The following SDK1 variants were observed in gnomAD, a reference collection of about 807,000 sequenced individuals.
SDK1 encodes protein sidekick-1.
SDK1 carries 157 observed loss-of-function variants against 245.5 expected under a neutral mutation model. That is an observed-to-expected ratio of 0.64 (90% CI 0.56 to 0.73). The LOEUF is 0.73. Ranked by LOEUF, SDK1 falls within the 30% of genes least tolerant of loss-of-function variation. The pLI is 0.00. For missense variants in SDK1, 3,583 were observed against 3,002.3 expected (o/e 1.19, Z -4.52); for synonymous variants, 1,647 against 1,278.5 (o/e 1.29, Z -6.15).
chr7:3,475,079 T>C (rs1168562344), intron 1 of SDK1, among the ~76,000 whole-genome samples: 2 of 152,222 alleles, frequency 1.3e-5, no homozygotes, highest in Non-Finnish European at 2.9e-5. Flanking sequence ...GATGATAATT[T>C]TAAAACACAT....
rs367967209 is a variant in SDK1 at position 3,962,635 on chromosome 7, A to C, written c.1235-22A>C. On this transcript the variant is annotated intron_variant, in intron 8 of 44. Coordinates refer to ENST00000404826, the MANE Select transcript of SDK1 (RefSeq NM_152744.4). The stretch of plus-strand genomic sequence containing the variant: ...CGTCAGGAATTATTTTTAAAATCCT[A>C]TTTATTCCCATTCCTACGCAGGGGT... 2.5e-6 allele frequency: 4 copies of C among 1,569,932 alleles called. No individual in the cohort carries two copies. In the East Asian group the frequency reaches 9.0e-5, roughly 35 times the overall value.
chr7:3,625,365 C>T (rs1324976365), intron 2 of SDK1, among the ~76,000 whole-genome samples: 1 of 152,116 alleles, frequency 6.6e-6, no homozygotes, highest in Admixed American at 6.5e-5. Flanking sequence ...AAAAGGTAAG[C>T]AACAAACTGG....
chr7:3,438,943 C>G (rs957351511), intron 1 of SDK1, among the ~76,000 whole-genome samples: 1 of 150,330 alleles, frequency 6.7e-6, no homozygotes, highest in Admixed American at 6.6e-5. Flanking sequence ...ACCTCTGCCT[C>G]CTGGGTTGAA....
chr7:4,112,006 G>C (rs970501038), intron 23 of SDK1, among the ~76,000 whole-genome samples: 2 of 152,120 alleles, frequency 1.3e-5, no homozygotes, highest in African/African-American at 4.8e-5. Context: ...TGGTGTGAGC[G>C]GATAGAGGCC....
intron 1 of SDK1, among the ~76,000 whole-genome samples, chr7:3,506,719 C>T (rs1475247022): frequency 1.3e-5 from 2 of 152,038 alleles, no homozygotes; most frequent in Non-Finnish European, 2.9e-5. Flanking sequence ...TTTTCTTCTC[C>T]TATATTTATA....
At chr7:3,541,318 C>T (rs1779047696) in intron 1 of SDK1, among the ~76,000 whole-genome samples, 1 of 152,210 alleles carries the variant, frequency 6.6e-6, no homozygotes, top group African/African-American at 2.4e-5. Flanking sequence ...CTCCTGTGTG[C>T]TTCCACTTGC....
chr7:4,206,443 G>A lies in SDK1; in HGVS notation c.5214+449G>A, dbSNP rs7788648. ...GGACACTGAGTGAGTCCCTTGATTC[G>A]GTCGGTCCAGGGTGGGGCCCGCCAG... On this transcript the variant is annotated intron_variant, in intron 36 of 44. Transcript: ENST00000404826. Among the ~76,000 whole-genome samples the A allele has an allele frequency of 9.9e-3, 1,513 of 152,242 alleles. 28 individuals carry two copies. The highest frequency in any genetic ancestry group is 0.035 in the African/African-American group (1,450 of 41,524).
At position 3,489,626 on chromosome 7, in the gene SDK1, T is replaced by C. The variant is rs903105151; in HGVS notation, c.299-129454T>C. ...AAGTGTAACTCAAGATGTGATTAGCTACCCAGTTTGTTTTTATTAAAATGT... is the reference window on the plus strand; with the variant it reads ...AAGTGTAACTCAAGATGTGATTAGCCACCCAGTTTGTTTTTATTAAAATGT... On this transcript the variant is annotated intron_variant, in intron 1 of 44. Coordinates refer to ENST00000404826, the MANE Select transcript of SDK1 (RefSeq NM_152744.4). Among the ~76,000 whole-genome samples the C allele has an allele frequency of 3.9e-5, 6 of 152,208 alleles. No individual in the cohort carries two copies. The East Asian group carries it at 1.2e-3, about 29-fold the overall frequency.
At chr7:3,383,505 TG>T (rs1469179373) in intron 1 of SDK1, among the ~76,000 whole-genome samples, 4 of 152,324 alleles carry the variant, frequency 2.6e-5, no homozygotes, top group Non-Finnish European at 5.9e-5. Context: ...CATCTCTTTT[TG>T]GCCTCCATGT....
chr7:4,114,009 C>T (rs1312118437), intron 24 of SDK1, 28 bp from the exon 25 acceptor site: 1 of 1,590,824 alleles, frequency 6.3e-7, no homozygotes, highest in Admixed American at 1.7e-5. Context: ...GAGATGTCAG[C>T]TCATCGCGAC....
intron 4 of SDK1, among the ~76,000 whole-genome samples, chr7:3,653,318 G>A (rs1045442961): frequency 5.9e-5 from 9 of 152,106 alleles, no homozygotes; most frequent in African/African-American, 1.4e-4. Context: ...TGTTGTAGGC[G>A]TTCTGTTTTC....
intron 1 of SDK1, among the ~76,000 whole-genome samples, chr7:3,494,396 T>A (rs576979881): frequency 6.6e-6 from 1 of 152,350 alleles, no homozygotes; most frequent in East Asian, 1.9e-4. Flanking sequence ...CAAATAACTC[T>A]GCAGTGTAAC....
In SDK1 at chr7:3,867,368, A is replaced by T. The variant is rs569419774; in HGVS notation, c.847+45785A>T. 2.0e-5 allele frequency among the ~76,000 whole-genome samples: 3 copies of T among 152,298 alleles called. No homozygotes were observed. In the East Asian group the frequency reaches 5.8e-4, roughly 29 times the overall value. On this transcript the variant is annotated intron_variant, in intron 5 of 44. Transcript: ENST00000404826. ...GGTATATAAAAATGCAGCCCTTTTG[A>T]TTAAGCCATTTTTAAAAACCTAATG...
chr7:3,876,847 C>G (rs1482490925), intron 5 of SDK1, among the ~76,000 whole-genome samples: 1 of 152,148 alleles, frequency 6.6e-6, no homozygotes, highest in Non-Finnish European at 1.5e-5. Context: ...TAACACAGCT[C>G]TATCAGACTT....
At chr7:3,356,406 T>G (rs565239549) in intron 1 of SDK1, among the ~76,000 whole-genome samples, 3 of 152,296 alleles carry the variant, frequency 2.0e-5, no homozygotes, top group Non-Finnish European at 1.5e-5. Flanking sequence ...TTACCGCTCT[T>G]TAAAGATTGA....
chr7:3,631,186 G>T (rs1376306075), intron 2 of SDK1, among the ~76,000 whole-genome samples: 4 of 152,040 alleles, frequency 2.6e-5, no homozygotes, highest in Non-Finnish European at 4.4e-5. Context: ...CACCCACCTT[G>T]GCCTCCCAAA....
chr7:3,500,592 T>G (rs1015737877), intron 1 of SDK1, among the ~76,000 whole-genome samples: 1 of 152,218 alleles, frequency 6.6e-6, no homozygotes, highest in African/African-American at 2.4e-5. Flanking sequence ...TTTTCTCCAG[T>G]GTTTTGAAAT....
chr7:3,357,555 C>T (rs952773807), intron 1 of SDK1, among the ~76,000 whole-genome samples: 8 of 151,342 alleles, frequency 5.3e-5, no homozygotes, highest in African/African-American at 1.5e-4. Flanking sequence ...GTTGTGTTGC[C>T]CAGGCTAGCC....
intron 30 of SDK1, among the ~76,000 whole-genome samples, chr7:4,150,097 C>A (rs1410543754): frequency 2.6e-5 from 4 of 152,118 alleles, no homozygotes; most frequent in Non-Finnish European, 4.4e-5. Context: ...GGTTTACAGA[C>A]CCACCCACTC....
Sources: gnomAD v4.1 joint callset for allele counts (sites outside exome capture counted in the v4.1 genomes callset) on GRCh38, gnomAD v4.1.1 for gene constraint, MANE v1.5 for transcripts, NCBI Gene and HGNC (gene_info 2026-07-23, HGNC 2026-07-21) for gene names.